Variants in MACROD2 observed in about 807,000 individuals in gnomAD.
MACROD2 encodes mono-ADP ribosylhydrolase 2, also known as ADP-ribose glycohydrolase MACROD2.
Under a neutral mutation model 70.4 loss-of-function variants are expected in MACROD2, and 36 were observed. The ratio of observed to expected loss-of-function variants is 0.51; its 90% CI spans 0.39 to 0.68. The LOEUF is 0.68. Among genes scored for constraint, MACROD2 ranks in the 30% least tolerant of loss-of-function variants. The pLI, the probability that MACROD2 is intolerant of heterozygous loss-of-function variation, is 0.00. For synonymous variants in MACROD2, 172 were observed against 178.8 expected, an observed-to-expected ratio of 0.96 and a Z score of 0.30; for missense variants, 496 against 538.4, an observed-to-expected ratio of 0.92 and a Z score of 0.78.
chr20:14,792,505 G>A (rs946008804), intron 5 of MACROD2, among the ~76,000 whole-genome samples: 2 of 151,938 alleles, frequency 1.3e-5, no homozygotes, highest in African/African-American at 4.8e-5. Context: ...AAATCATTTG[G>A]TGATCTGCCG....
intron 3 of MACROD2, among the ~76,000 whole-genome samples, chr20:14,297,034 G>T (rs2082433204): frequency 1.3e-5 from 2 of 151,700 alleles, no homozygotes. Flanking sequence ...ATGGTGATCT[G>T]TGGTTAGTGA....
At chr20:15,939,570 G>A (rs1295745061) in intron 12 of MACROD2, among the ~76,000 whole-genome samples, 5 of 151,552 alleles carry the variant, frequency 3.3e-5, no homozygotes, top group Admixed American at 6.6e-5. Flanking sequence ...CTGGTCTTCC[G>A]AGAGTTCCGA....
At chr20:14,013,309 G>C (rs865928427) in intron 2 of MACROD2, among the ~76,000 whole-genome samples, 7 of 136,534 alleles carry the variant, frequency 5.1e-5, no homozygotes, top group African/African-American at 1.9e-4. Context: ...GTCTCTCTCT[G>C]TCGCCCAGGC....
intron 4 of MACROD2, among the ~76,000 whole-genome samples, chr20:14,647,371 T>A (rs368702086): frequency 1.3e-5 from 2 of 152,174 alleles, no homozygotes; most frequent in Admixed American, 6.5e-5. Flanking sequence ...TCTCAGATGA[T>A]TGTTTTTGGG....
At chr20:14,825,224 G>C (rs1378981811) in intron 5 of MACROD2, among the ~76,000 whole-genome samples, 1 of 151,964 alleles carries the variant, frequency 6.6e-6, no homozygotes, top group Non-Finnish European at 1.5e-5. Context: ...AATTAACCAA[G>C]TACCGCTCCT....
At chr20:15,847,289 G>A (rs2064244310) in intron 8 of MACROD2, among the ~76,000 whole-genome samples, 1 of 152,152 alleles carries the variant, frequency 6.6e-6, no homozygotes, top group Non-Finnish European at 1.5e-5. Flanking sequence ...ACTTTCGGCA[G>A]CATTATTTTA....
chr20:14,696,841 A>G (rs2071131453), intron 5 of MACROD2, among the ~76,000 whole-genome samples: 2 of 152,096 alleles, frequency 1.3e-5, no homozygotes, highest in Non-Finnish European at 2.9e-5. Context: ...GCTTTCTGAT[A>G]TTATGGCATG....
At chr20:14,017,629 A>G (rs1186634057) in intron 2 of MACROD2, among the ~76,000 whole-genome samples, 2 of 152,054 alleles carry the variant, frequency 1.3e-5, no homozygotes, top group African/African-American at 4.8e-5. Context: ...ATTATATTGA[A>G]CCATCCTTGT....
At chr20:15,102,981 A>G (rs1341414506) in intron 5 of MACROD2, among the ~76,000 whole-genome samples, 1 of 152,164 alleles carries the variant, frequency 6.6e-6, no homozygotes, top group East Asian at 1.9e-4. Flanking sequence ...TGTTTAAAAC[A>G]TACAGTGATA....
At chr20:15,886,248 C>T (rs1470616556) in intron 10 of MACROD2, among the ~76,000 whole-genome samples, 1 of 152,158 alleles carries the variant, frequency 6.6e-6, no homozygotes, top group African/African-American at 2.4e-5. Flanking sequence ...TGATTGATCT[C>T]AACTGTCAGC....
At chr20:15,773,280 G>T (rs972835787) in intron 8 of MACROD2, among the ~76,000 whole-genome samples, 7 of 152,090 alleles carry the variant, frequency 4.6e-5, no homozygotes, top group Admixed American at 2.6e-4. Flanking sequence ...CAGATGTTAA[G>T]TTGTAAATCA....
intron 5 of MACROD2, among the ~76,000 whole-genome samples, chr20:14,799,423 T>C (rs1227887109): frequency 6.6e-6 from 1 of 152,124 alleles, no homozygotes; most frequent in Non-Finnish European, 1.5e-5. Flanking sequence ...ATGTTTTCTT[T>C]TAAGAAAGTG....
chr20:14,713,127 G>A (rs549890140), intron 5 of MACROD2, among the ~76,000 whole-genome samples: 1 of 152,294 alleles, frequency 6.6e-6, no homozygotes, highest in African/African-American at 2.4e-5. Context: ...GTGTGTGAAT[G>A]AGTGTGAAAA....
At chr20:15,737,900 T>C (rs1286141953) in intron 8 of MACROD2, among the ~76,000 whole-genome samples, 1 of 151,792 alleles carries the variant, frequency 6.6e-6, no homozygotes, top group African/African-American at 2.4e-5. Context: ...GATGAATGGA[T>C]GATGGATGGA....
chr20:14,014,622 T>A (rs1442057469), intron 2 of MACROD2, among the ~76,000 whole-genome samples: 2 of 150,012 alleles, frequency 1.3e-5, no homozygotes, highest in East Asian at 4.0e-4. Context: ...TCGTTTTTGC[T>A]TCTCCAGAGT....
chr20:14,832,722 C>T (rs2072985536), intron 5 of MACROD2, among the ~76,000 whole-genome samples: 1 of 152,096 alleles, frequency 6.6e-6, no homozygotes, highest in African/African-American at 2.4e-5. Flanking sequence ...TGCTACTTCT[C>T]TTAATTTCAG....
chr20:14,423,433 C>A (rs1381671477), intron 3 of MACROD2, among the ~76,000 whole-genome samples: 1 of 151,532 alleles, frequency 6.6e-6, no homozygotes, highest in Admixed American at 6.6e-5. Context: ...GGAGCGGTGG[C>A]TCACGCCTGT....
intron 8 of MACROD2, among the ~76,000 whole-genome samples, chr20:15,602,544 T>C (rs2048836468): frequency 6.6e-6 from 1 of 152,210 alleles, no homozygotes; most frequent in South Asian, 2.1e-4. Flanking sequence ...TTTAGACTAT[T>C]GGCTTAACAC....
At chr20:15,217,325 G>C (rs16995448) in intron 5 of MACROD2, among the ~76,000 whole-genome samples, 1 of 152,106 alleles carries the variant, frequency 6.6e-6, no homozygotes, top group African/African-American at 2.4e-5. Flanking sequence ...CCAGGTACTC[G>C]ACTTGATGCT....
Sources: allele counts gnomAD v4.1 joint callset (sites outside exome capture counted in the v4.1 genomes callset), GRCh38; gene constraint gnomAD v4.1.1; transcripts MANE v1.5; gene names NCBI Gene and HGNC (gene_info 2026-07-23, HGNC 2026-07-21).